Variants in SECISBP2L observed in about 807,000 individuals in gnomAD.
SECISBP2L encodes SECIS binding protein 2 like, also known as selenocysteine insertion sequence-binding protein 2-like.
A neutral mutation model predicts 114.7 loss-of-function variants in SECISBP2L; 43 were observed. The observed-to-expected ratio is 0.38, with a 90% CI of 0.29 to 0.48. The LOEUF (loss-of-function observed/expected upper bound fraction) is 0.48, where lower values mean the gene tolerates loss of function less well. SECISBP2L is among the 20% of genes least tolerant of loss of function. The pLI is 0.98. For missense variants in SECISBP2L, 1,136 were observed against 1,301.1 expected (o/e 0.87, Z 1.95); for synonymous variants, 451 against 439.7 (o/e 1.03, Z -0.32).
In SECISBP2L at chr15:49,028,513, T is replaced by A. The variant is rs1902806699; in HGVS notation, c.834A>T (p.Lys278Asn). The part of the protein sequence containing the change: ...IDSDSGYCSP[K>N]HSNNQPAAGA... ...CTGCTGCAGGCTGGTTGTTGCTGTG[T>A]TTGGGACTGCAGTAACCACTATCAC... is the stretch of plus-strand genomic sequence containing the variant. The change falls in exon 5 of 18, where the codon AAA (lysine) becomes AAT (asparagine). Residue 278 changes from lysine (K) to asparagine (N), a missense_variant. Lys to Asn is a moderately conservative substitution (Grantham distance 94). Around this residue, in one of 2 missense-constraint regions of SECISBP2L, gnomAD observed 452 missense variants for 452.3 expected, o/e 1.00. Coordinates refer to ENST00000559471, the MANE Select transcript of SECISBP2L (RefSeq NM_001193489.2). 6.2e-7 allele frequency: 1 copy of A among 1,614,038 alleles called. No homozygotes were observed. Among genetic ancestry groups the A allele is most frequent in the Non-Finnish European group, 8.5e-7 (1 of 1,180,026 alleles).
chr15:49,019,299 A>C (rs1595789615), intron 8 of SECISBP2L, 119 bp downstream of exon 8: 1 of 773,626 alleles, frequency 1.3e-6, no homozygotes, highest in East Asian at 3.4e-5. Context: ...TTTATAATTT[A>C]ATACTAGAAT....
rs373008043 is a variant in SECISBP2L at position 49,004,993 on chromosome 15, TTC to T, written c.2028-3898_2028-3897del. 2.5e-3 allele frequency among the ~76,000 whole-genome samples: 378 copies of T among 152,322 alleles called. 1 individual carries two copies. Among genetic ancestry groups the T allele is most frequent in the African/African-American group, 8.7e-3 (362 of 41,568 alleles). ...CAAGTCCTGAATATCCTTATTAATT[TTC>T]TGTCTCGTTGATGTCTAATATTGAC... On this transcript the variant is annotated intron_variant, in intron 14 of 17. Transcript: ENST00000559471.
chr15:49,005,856 T>G (rs1902312281), intron 14 of SECISBP2L, among the ~76,000 whole-genome samples: 1 of 152,128 alleles, frequency 6.6e-6, no homozygotes, highest in Non-Finnish European at 1.5e-5. Flanking sequence ...GTTGACGGTC[T>G]TTACAATTTG....
chr15:49,016,427 CACAT>C (rs1902537659), intron 11 of SECISBP2L, 129 bp downstream of exon 11: 7 of 729,510 alleles, frequency 9.6e-6, no homozygotes, highest in Non-Finnish European at 1.4e-5. Context: ...CACACAAACA[CACAT>C]ACATATATAT....
Position 49,035,428 on chromosome 15 carries a change from G to A in SECISBP2L, c.434C>T (p.Thr145Ile). 6.2e-7 allele frequency: 1 copy of A among 1,614,190 alleles called. No individual in the cohort carries two copies. The highest frequency in any genetic ancestry group is 8.5e-7 in the Non-Finnish European group (1 of 1,180,034). ...CTGACTTGGACGCTCAGTGCATTCT[G>A]TGGTGATAGCATTTACAGTATTTGC... ...QAANTVNAITTECTERPSQLG... is the reference protein window; with the variant it reads ...QAANTVNAITIECTERPSQLG... The change falls in exon 3 of 18, where the codon ACA (threonine) becomes ATA (isoleucine). Residue 145 changes from threonine (T) to isoleucine (I), a missense_variant. Coordinates refer to ENST00000559471, the MANE Select transcript of SECISBP2L (RefSeq NM_001193489.2).
At chr15:49,010,805 C>A (rs921534058) in intron 13 of SECISBP2L, among the ~76,000 whole-genome samples, 1 of 152,234 alleles carries the variant, frequency 6.6e-6, no homozygotes, top group Admixed American at 6.5e-5. Context: ...AGCCACTGCG[C>A]CCAGCCCACG....
At chr15:49,034,669 G>GTTTTTTT (rs58267682) in intron 3 of SECISBP2L, among the ~76,000 whole-genome samples, 66,423 of 131,330 alleles carry the variant, frequency 0.51, 19,337 homozygotes, top group Non-Finnish European at 0.63. Context: ...TATATCTTTT[G>GTTTTTTT]TTTTTTTTTT....
chr15:49,033,878 C>T (rs1902948426), intron 3 of SECISBP2L, among the ~76,000 whole-genome samples: 1 of 152,222 alleles, frequency 6.6e-6, no homozygotes, highest in South Asian at 2.1e-4. Context: ...TCTTCCTTTA[C>T]TTTTAAAAAT....
At chr15:49,022,419 G>A (rs1380183890) in intron 7 of SECISBP2L, among the ~76,000 whole-genome samples, 1 of 152,160 alleles carries the variant, frequency 6.6e-6, no homozygotes, top group Non-Finnish European at 1.5e-5. Context: ...GGCCAACATG[G>A]TGAAACCTGG....
At chr15:49,033,687 A>C (rs1902944196) in intron 3 of SECISBP2L, among the ~76,000 whole-genome samples, 1 of 152,014 alleles carries the variant, frequency 6.6e-6, no homozygotes, top group Admixed American at 6.5e-5. Context: ...ACAAACAAAC[A>C]AACAAAAAAA....
chr15:49,022,134 C>G (rs1458705535), intron 7 of SECISBP2L, among the ~76,000 whole-genome samples: 2 of 152,094 alleles, frequency 1.3e-5, no homozygotes, highest in Non-Finnish European at 2.9e-5. Context: ...AACTGCTTAA[C>G]TGAGACAGGG....
chr15:49,009,990 G>C (rs565749314), intron 13 of SECISBP2L, among the ~76,000 whole-genome samples: 2 of 151,104 alleles, frequency 1.3e-5, no homozygotes, highest in African/African-American at 4.9e-5. Context: ...TAAATTAGCC[G>C]GGCGTGGTGG....
At chr15:49,019,337 C>T in intron 8 of SECISBP2L, 81 bp downstream of exon 8, 2 of 1,124,060 alleles carry the variant, frequency 1.8e-6, no homozygotes, top group Non-Finnish European at 2.3e-6. Flanking sequence ...AAAGTACTCA[C>T]AATGTTCACA....
chr15:49,027,277 G>T, intron 7 of SECISBP2L, 88 bp downstream of exon 7: 2 of 833,120 alleles, frequency 2.4e-6, no homozygotes, highest in Non-Finnish European at 3.9e-6. Flanking sequence ...ATCACTCCAT[G>T]TGCATATCCA....
chr15:48,998,679 G>T (rs961395409), intron 16 of SECISBP2L, among the ~76,000 whole-genome samples: 1 of 152,142 alleles, frequency 6.6e-6, no homozygotes, highest in African/African-American at 2.4e-5. Context: ...AAGATTAGTT[G>T]TATCAGATGG....
intron 1 of SECISBP2L, among the ~76,000 whole-genome samples, chr15:49,041,112 G>C (rs1321450464): frequency 6.6e-6 from 1 of 152,032 alleles, no homozygotes; most frequent in Non-Finnish European, 1.5e-5. Flanking sequence ...CTTCATAAAG[G>C]AAATAAATAT....
chr15:48,992,228 G>A lies in SECISBP2L; in HGVS notation c.*16C>T. On this transcript the variant is annotated 3_prime_UTR_variant, in exon 18 of 18. Coordinates refer to ENST00000559471, the MANE Select transcript of SECISBP2L (RefSeq NM_001193489.2). The stretch of plus-strand genomic sequence containing the variant: ...ACCCTTCCACAGCTGGAGATAGAGA[G>A]CCGACATTTCCTGAGTTACGTAGTT... 1 of 1,578,624 alleles carries A rather than the reference G, an allele frequency of 6.3e-7. No individual in the cohort carries two copies. The highest frequency in any genetic ancestry group is 8.6e-7 in the Non-Finnish European group (1 of 1,161,796).
intron 14 of SECISBP2L, 26 bp from the exon 15 acceptor site, chr15:49,001,123 A>C: frequency 6.7e-7 from 1 of 1,490,076 alleles, no homozygotes; most frequent in Non-Finnish European, 9.1e-7. Flanking sequence ...AAAATGGGTA[A>C]CTCCATCCTA....
rs28420431 is a variant in SECISBP2L at position 49,020,770 on chromosome 15, A to T, written c.1036-1218T>A. 2.3e-3 allele frequency among the ~76,000 whole-genome samples: 350 copies of T among 152,254 alleles called. 3 individuals carry two copies. Among genetic ancestry groups the T allele is most frequent in the African/African-American group, 8.3e-3 (344 of 41,544 alleles). On this transcript the variant is annotated intron_variant, in intron 7 of 17. Transcript: ENST00000559471. ...GGGATCCTCCTGCCTCGCCTCCCAA[A>T]GTGCTGGGATTACAGGCATGATTCA...
Sources: allele counts gnomAD v4.1 joint callset (sites outside exome capture counted in the v4.1 genomes callset), GRCh38; gene constraint gnomAD v4.1.1; regional missense constraint gnomAD v4.1.1; transcripts MANE v1.5; gene names NCBI Gene and HGNC (gene_info 2026-07-23, HGNC 2026-07-21).